The following VGLL4 variants were observed in gnomAD, a reference collection of about 807,000 sequenced individuals.
The protein encoded by VGLL4 is vestigial like family member 4.
VGLL4 carries 7 observed loss-of-function variants against 21.0 expected under a neutral mutation model. That is an observed-to-expected ratio of 0.33 (90% confidence interval 0.19 to 0.63). VGLL4 has a LOEUF of 0.63. Among genes scored for constraint, VGLL4 ranks in the 20% least tolerant of loss-of-function variants. The probability of loss-of-function intolerance (pLI) is 0.78; values close to 1 mark genes in which losing one functional copy is unlikely to be tolerated. For missense variants in VGLL4, 394 were observed against 425.7 expected (o/e 0.93, Z 0.66); for synonymous variants, 222 against 173.2 (o/e 1.28, Z -2.21).
Position 11,563,767 on chromosome 3 carries a change from G to C in VGLL4, c.495+1030C>G, listed in dbSNP as rs116422765. On this transcript the variant is annotated intron_variant, in intron 3 of 4. Transcript: ENST00000430365. ...ACACAGCAGGGGTCTGTGCCATTTT[G>C]TTAAATGGATGAATCAAACAAACAG... 7.4e-3 allele frequency among the ~76,000 whole-genome samples: 1,134 copies of C among 152,304 alleles called. 12 individuals carry two copies. Among genetic ancestry groups the C allele is most frequent in the African/African-American group, 0.026 (1,075 of 41,552 alleles).
At chr3:11,708,438 A>T (rs1019866608) in intron 1 of VGLL4, among the ~76,000 whole-genome samples, 1 of 152,230 alleles carries the variant, frequency 6.6e-6, no homozygotes, top group Non-Finnish European at 1.5e-5. Flanking sequence ...CACACAAAAA[A>T]GCTGGGCAGG....
chr3:11,674,294 A>G (rs2076259169), intron 2 of VGLL4, among the ~76,000 whole-genome samples: 1 of 152,138 alleles, frequency 6.6e-6, no homozygotes, highest in Non-Finnish European at 1.5e-5. Flanking sequence ...CACATGGGAG[A>G]AAAGTGAAGG....
chr3:11,604,272 T>TCCATCTTCCAAAGCGCCCCCAC (rs879805593), intron 1 of VGLL4: 1 of 623,586 alleles, frequency 1.6e-6, no homozygotes, highest in African/African-American at 2.6e-5. Flanking sequence ...AAGCACGGTT[T>TCCATCTTCCAAAGCGCCCCCAC]GCCTCATTTG....
intron 1 of VGLL4, among the ~76,000 whole-genome samples, chr3:11,710,809 T>G (rs1232758099): frequency 6.6e-6 from 1 of 152,154 alleles, no homozygotes. Context: ...ATCAAGAATT[T>G]AGAGATGTGG....
At chr3:11,594,650 A>G (rs1022090822) in intron 2 of VGLL4, among the ~76,000 whole-genome samples, 56 of 152,378 alleles carry the variant, frequency 3.7e-4, no homozygotes, top group African/African-American at 1.3e-3. Flanking sequence ...GTTTGCCTTC[A>G]AGAGTTTTAA....
intron 2 of VGLL4, among the ~76,000 whole-genome samples, chr3:11,665,585 C>G (rs1437578540): frequency 1.3e-5 from 2 of 152,192 alleles, no homozygotes; most frequent in Non-Finnish European, 2.9e-5. Context: ...AAGAGGGCAT[C>G]CAGCATTGCT....
chr3:11,639,544 C>T (rs2075650274), intron 1 of VGLL4, among the ~76,000 whole-genome samples: 1 of 152,260 alleles, frequency 6.6e-6, no homozygotes, highest in Non-Finnish European at 1.5e-5. Flanking sequence ...CAGGACGGGG[C>T]ATGACCCTAA....
chr3:11,678,485 C>T (rs77005024), intron 2 of VGLL4, among the ~76,000 whole-genome samples: 2,567 of 152,352 alleles, frequency 0.017, 86 homozygotes, highest in African/African-American at 0.058. Context: ...TCTGCAGGAA[C>T]GCCACTCGTG....
chr3:11,684,807 C>G (rs1233469334), intron 2 of VGLL4, among the ~76,000 whole-genome samples: 3 of 150,858 alleles, frequency 2.0e-5, no homozygotes, highest in African/African-American at 7.3e-5. Flanking sequence ...TTTTGGTTTT[C>G]TTTTCCGTTT....
chr3:11,605,668 T>G lies in VGLL4; in HGVS notation c.83-3646A>C, dbSNP rs1174910250. ...CTATAGAAACTTATCACTCTGGTGC[T>G]TCCCTCCCTACTTTATTTTGTGCTC... On this transcript the variant is annotated intron_variant, in intron 1 of 4. Transcript: ENST00000430365. Among the ~76,000 whole-genome samples, 5 of 152,300 alleles carry G rather than the reference T, an allele frequency of 3.3e-5. No individual in the cohort carries two copies. The East Asian group carries it at 7.7e-4, about 24-fold the overall frequency.
chr3:11,606,446 G>A (rs2074942352), intron 1 of VGLL4, among the ~76,000 whole-genome samples: 2 of 152,232 alleles, frequency 1.3e-5, no homozygotes, highest in South Asian at 4.1e-4. Context: ...GCAAGGATGT[G>A]GAGAAGCTGG....
At chr3:11,602,116 A>G (rs2125267631) in intron 1 of VGLL4, 94 bp from the exon 2 acceptor site, 1 of 1,249,726 alleles carries the variant, frequency 8.0e-7, no homozygotes, top group East Asian at 3.0e-5. Context: ...CCCCTTACAA[A>G]ACTACTCCCA....
At chr3:11,642,375 C>A (rs2075710050) in intron 1 of VGLL4, among the ~76,000 whole-genome samples, 2 of 152,018 alleles carry the variant, frequency 1.3e-5, no homozygotes, top group South Asian at 4.1e-4. Context: ...GATTAGGAAA[C>A]AGGCCTGAAG....
At chr3:11,617,187 A>T (rs918219071) in intron 1 of VGLL4, among the ~76,000 whole-genome samples, 1 of 152,310 alleles carries the variant, frequency 6.6e-6, no homozygotes, top group South Asian at 2.1e-4. Flanking sequence ...GGATTTGGAC[A>T]CTTAGAAATG....
intron 2 of VGLL4, among the ~76,000 whole-genome samples, chr3:11,697,163 C>T (rs751107020): frequency 5.3e-5 from 8 of 152,142 alleles, no homozygotes; most frequent in Admixed American, 1.3e-4. Flanking sequence ...GGCAGTGGCG[C>T]AATCACAGCT....
rs1028084547 is a variant in VGLL4 at position 11,628,634 on chromosome 3, C to T, written c.82+14803G>A. Among the ~76,000 whole-genome samples, 6 of 151,268 alleles carry T rather than the reference C, an allele frequency of 4.0e-5. 1 individual carries two copies. Among genetic ancestry groups the T allele is most frequent in the Admixed American group, 1.3e-4 (2 of 15,200 alleles). Reference sequence around the variant, plus strand: ...AGGAGATTGAGACCATCCTAGCTAACACGGTGAAACCCCGTCTCTACTAAA... The same window carrying T: ...AGGAGATTGAGACCATCCTAGCTAATACGGTGAAACCCCGTCTCTACTAAA... On this transcript the variant is annotated intron_variant, in intron 1 of 4. Transcript: ENST00000430365.
At chr3:11,578,608 AAAGT>A (rs1448825904) in intron 2 of VGLL4, among the ~76,000 whole-genome samples, 32 of 151,796 alleles carry the variant, frequency 2.1e-4, no homozygotes, top group African/African-American at 7.2e-4. Context: ...AAAAAAAAAA[AAAGT>A]AATAATAATA....
intron 2 of VGLL4, among the ~76,000 whole-genome samples, chr3:11,574,370 T>G (rs901664169): frequency 6.6e-6 from 1 of 152,178 alleles, no homozygotes; most frequent in Non-Finnish European, 1.5e-5. Context: ...CCTGTATGCC[T>G]GTCATCCTGA....
intron 2 of VGLL4, among the ~76,000 whole-genome samples, chr3:11,571,467 T>C (rs1408732799): frequency 6.6e-6 from 1 of 152,082 alleles, no homozygotes; most frequent in Non-Finnish European, 1.5e-5. Context: ...GTGGACTGCT[T>C]AGGCCCAGGA....
Sources: allele counts gnomAD v4.1 joint callset (sites outside exome capture counted in the v4.1 genomes callset), GRCh38; gene constraint gnomAD v4.1.1; transcripts MANE v1.5; gene names NCBI Gene and HGNC (gene_info 2026-07-23, HGNC 2026-07-21).